Variants in GGT1 observed in about 807,000 individuals in gnomAD.
The protein encoded by GGT1 is glutathione hydrolase 1 proenzyme.
A neutral mutation model predicts 56.0 loss-of-function variants in GGT1; 21 were observed. The observed-to-expected ratio is 0.38, with a 90% confidence interval of 0.27 to 0.54. The LOEUF is 0.54. Ranked by LOEUF, GGT1 falls within the 20% of genes least tolerant of loss-of-function variation. The pLI, the probability that GGT1 is intolerant of heterozygous loss-of-function variation, is 0.82. For missense variants in GGT1, 466 were observed against 787.0 expected (o/e 0.59, Z 4.88); for synonymous variants, 238 against 342.6 (o/e 0.69, Z 3.37).
intron 11 of GGT1, 164 bp downstream of exon 11, chr22:24,624,080 C>G (rs1024325351): frequency 7.9e-5 from 78 of 985,310 alleles, no homozygotes; most frequent in Non-Finnish European, 9.3e-5. Flanking sequence ...GTGGGTGACC[C>G]CCAGTCTTGG....
chr22:24,613,908 G>A (rs5760499), intron 5 of GGT1, among the ~76,000 whole-genome samples: 48,262 of 151,374 alleles, frequency 0.32, 7,793 homozygotes, highest in Middle Eastern at 0.51. Flanking sequence ...AAAATTGCCA[G>A]GTGTGGTGGT....
At chr22:24,584,453 G>A in the GGT1 span, among the ~76,000 whole-genome samples, 1 of 152,058 alleles carries the variant, frequency 6.6e-6, no homozygotes, top group Non-Finnish European at 1.5e-5. Flanking sequence ...CTCCATCCCA[G>A]TCCTGGGACC....
chr22:24,599,788 T>G (rs568242422), upstream of GGT1, among the ~76,000 whole-genome samples: 2 of 151,336 alleles, frequency 1.3e-5, no homozygotes, highest in African/African-American at 2.4e-5. Context: ...GCGAGGGAGG[T>G]CGGGAAGGTG....
chr22:24,600,935 C>A (rs561700553), upstream of GGT1, among the ~76,000 whole-genome samples: 1 of 152,194 alleles, frequency 6.6e-6, no homozygotes, highest in South Asian at 2.1e-4. Flanking sequence ...AGTGAGCTCC[C>A]CATTGGGGAA....
At chr22:24,594,599 C>T (rs2045660307), upstream of GGT1, among the ~76,000 whole-genome samples, 1 of 152,078 alleles carries the variant, frequency 6.6e-6, no homozygotes, top group South Asian at 2.1e-4. Flanking sequence ...CATCCACGGA[C>T]CCCCAACCCC....
intron 7 of GGT1, among the ~76,000 whole-genome samples, chr22:24,619,499 G>A (rs1439733401): frequency 6.6e-6 from 1 of 151,760 alleles, no homozygotes; most frequent in Non-Finnish European, 1.5e-5. Context: ...AGCCTGGGAA[G>A]CCAAGGCTGC....
chr22:24,589,558 G>T, the GGT1 span: 1 of 470,342 alleles, frequency 2.1e-6, no homozygotes, highest in Non-Finnish European at 3.4e-6. Flanking sequence ...GGGCCCCCAG[G>T]CCTGGTGCAC....
At chr22:24,589,712 A>C in the GGT1 span, 1 of 1,307,698 alleles carries the variant, frequency 7.6e-7, no homozygotes, top group Non-Finnish European at 1.0e-6. Context: ...GCCTAAGGCC[A>C]CACAGCAAGC....
upstream of GGT1, among the ~76,000 whole-genome samples, chr22:24,601,839 CAAG>C (rs2045788073): frequency 6.6e-6 from 1 of 152,232 alleles, no homozygotes; most frequent in South Asian, 2.1e-4. Context: ...GAACCCTCCT[CAAG>C]GAACAAGGAC....
chr22:24,597,879 C>T (rs1375343667), intron 1 of GGT1, among the ~76,000 whole-genome samples: 2 of 152,158 alleles, frequency 1.3e-5, no homozygotes, highest in Non-Finnish European at 2.9e-5. Flanking sequence ...TGGAGATGGC[C>T]TCAGAAACCA....
At chr22:24,615,278 G>A (rs1221938036) in intron 7 of GGT1, 151 bp downstream of exon 7, 2 of 627,926 alleles carry the variant, frequency 3.2e-6, no homozygotes, top group Admixed American at 2.9e-5. Context: ...CTCCCACAAT[G>A]AGTGGTCAGG....
chr22:24,589,181 GCTGGTCACAGCCACACATC>G, the GGT1 span: 1 of 1,182,748 alleles, frequency 8.5e-7, no homozygotes, highest in Non-Finnish European at 1.1e-6. Flanking sequence ...GGGTCCGGTG[GCTGGTCACAGCCACACATC>G]CTGGGGCTGT....
intron 1 of GGT1, among the ~76,000 whole-genome samples, chr22:24,595,227 G>T (rs1000829431): frequency 9.9e-5 from 15 of 152,162 alleles, no homozygotes; most frequent in African/African-American, 3.6e-4. Flanking sequence ...AGGGAGGGTG[G>T]TGTCTGGGCC....
chr22:24,619,928 C>G (rs2047309258), intron 7 of GGT1, among the ~76,000 whole-genome samples: 1 of 150,944 alleles, frequency 6.6e-6, no homozygotes, highest in South Asian at 2.1e-4. Context: ...TACTGCTTCC[C>G]CTGCTGTGCC....
intron 11 of GGT1, among the ~76,000 whole-genome samples, chr22:24,626,028 T>C (rs1167512147): frequency 7.5e-6 from 1 of 132,964 alleles, no homozygotes; most frequent in Non-Finnish European, 1.5e-5. Flanking sequence ...TCCCCCAGGC[T>C]GTCCCCCAGG....
chr22:24,602,854 C>T (rs1460323444), upstream of GGT1, among the ~76,000 whole-genome samples: 2 of 152,184 alleles, frequency 1.3e-5, no homozygotes, highest in Non-Finnish European at 2.9e-5. Flanking sequence ...TCTCCAGCCC[C>T]TCCTGGCGTG....
intron 2 of GGT1, among the ~76,000 whole-genome samples, chr22:24,608,750 T>C (rs377595583): frequency 5.9e-5 from 9 of 152,296 alleles, no homozygotes; most frequent in African/African-American, 2.2e-4. Flanking sequence ...CTCCACCTCC[T>C]GGGTTCAAGC....
At chr22:24,584,936 A>G in the GGT1 span, among the ~76,000 whole-genome samples, 10 of 151,786 alleles carry the variant, frequency 6.6e-5, no homozygotes, top group African/African-American at 2.4e-4. Context: ...GAAGGGAGAC[A>G]CTTCCCCCTG....
chr22:24,591,059 G>A (rs924485443), upstream of GGT1, among the ~76,000 whole-genome samples: 1 of 152,216 alleles, frequency 6.6e-6, no homozygotes, highest in Non-Finnish European at 1.5e-5. Context: ...CAGGACTGGT[G>A]TGGGGCTGAA....
Sources: allele counts gnomAD v4.1 joint callset (sites outside exome capture counted in the v4.1 genomes callset), GRCh38; gene constraint gnomAD v4.1.1; transcripts MANE v1.5; gene names NCBI Gene and HGNC (gene_info 2026-07-23, HGNC 2026-07-21).